Variants in SNX30 observed in about 807,000 individuals in gnomAD.
SNX30 encodes the protein sorting nexin-30.
A neutral mutation model predicts 46.4 loss-of-function variants in SNX30; 24 were observed. That is an observed-to-expected ratio of 0.52 (90% CI 0.37 to 0.73). SNX30 has a LOEUF of 0.73. Ranked by LOEUF, SNX30 falls within the 30% of genes least tolerant of loss-of-function variation. SNX30 has a pLI of 0.00. For synonymous variants in SNX30, 189 were observed against 211.5 expected, an observed-to-expected ratio of 0.89 and a Z score of 0.92; for missense variants, 533 against 555.7, an observed-to-expected ratio of 0.96 and a Z score of 0.41.
At chr9:112,859,980 T>C (rs1240750685) in intron 7 of SNX30, among the ~76,000 whole-genome samples, 1 of 151,454 alleles carries the variant, frequency 6.6e-6, no homozygotes, top group African/African-American at 2.4e-5. Context: ...GGAGTCTCGC[T>C]CTGTCGCCAG....
rs112961950 is a variant in SNX30 at position 112,855,077 on chromosome 9, C to G, written c.1101+4132C>G. Among the ~76,000 whole-genome samples the G allele has an allele frequency of 5.7e-3, 865 of 152,338 alleles. 10 individuals are homozygous for G. The highest frequency in any genetic ancestry group is 0.02 in the African/African-American group (822 of 41,586). On this transcript the variant is annotated intron_variant, in intron 7 of 8. Transcript: ENST00000374232. ...ATGTCCTCAAGCTTCCCCTGCCTCC[C>G]TAGCCCTCCACACACCTGTCCTCCC...
intron 7 of SNX30, among the ~76,000 whole-genome samples, chr9:112,860,635 A>T (rs1007475293): frequency 1.3e-5 from 2 of 152,216 alleles, no homozygotes; most frequent in Admixed American, 1.3e-4. Context: ...CAGGATGCCC[A>T]GTGCAATCTC....
chr9:112,834,882 A>ACACACACACCCC (rs56385707), intron 4 of SNX30, among the ~76,000 whole-genome samples: 2 of 105,252 alleles, frequency 1.9e-5, no homozygotes, highest in African/African-American at 3.0e-5. Context: ...ACACACACAC[A>ACACACACACCCC]CCTACCTCAA....
chr9:112,758,433 G>T (rs750643934), intron 1 of SNX30, among the ~76,000 whole-genome samples: 1 of 152,124 alleles, frequency 6.6e-6, no homozygotes, highest in Non-Finnish European at 1.5e-5. Context: ...GGGCTCAAGA[G>T]ATTCTCCTGC....
chr9:112,783,815 G>A (rs760431114), intron 1 of SNX30, among the ~76,000 whole-genome samples: 47 of 152,276 alleles, frequency 3.1e-4, no homozygotes, highest in Middle Eastern at 6.8e-3. Flanking sequence ...TGGAAAAAAC[G>A]GTTTGAATCA....
chr9:112,783,218 G>A lies in SNX30; in HGVS notation c.157-21558G>A, dbSNP rs548547986. On this transcript the variant is annotated intron_variant, in intron 1 of 8. Coordinates refer to ENST00000374232, the MANE Select transcript of SNX30 (RefSeq NM_001012994.2). The stretch of plus-strand genomic sequence containing the variant: ...ATCTCTGGCGCCATGGAGGCAGACG[G>A]TGAAGGGCTACTAGCCTCTGCTCTG... 1.4e-4 allele frequency among the ~76,000 whole-genome samples: 21 copies of A among 152,340 alleles called. No individual in the cohort carries two copies. In the South Asian group the frequency reaches 3.5e-3, roughly 26 times the overall value.
intron 1 of SNX30, among the ~76,000 whole-genome samples, chr9:112,787,550 T>C (rs1839949423): frequency 6.6e-6 from 1 of 152,118 alleles, no homozygotes; most frequent in South Asian, 2.1e-4. Context: ...ATTTTTAGTT[T>C]AGAGAGACAG....
chr9:112,850,531 C>G (rs1396053369), intron 6 of SNX30, among the ~76,000 whole-genome samples: 2 of 152,268 alleles, frequency 1.3e-5, no homozygotes, highest in African/African-American at 4.8e-5. Context: ...TGGCTGCACA[C>G]AGTGACGCGG....
At chr9:112,865,390 G>A (rs1010545098) in intron 8 of SNX30, among the ~76,000 whole-genome samples, 1 of 151,788 alleles carries the variant, frequency 6.6e-6, no homozygotes, top group South Asian at 2.1e-4. Flanking sequence ...TGAAGAGTCC[G>A]AGGTGGGAGG....
intron 1 of SNX30, among the ~76,000 whole-genome samples, chr9:112,775,801 T>TA (rs369587216): frequency 6.8e-5 from 10 of 148,086 alleles, no homozygotes; most frequent in African/African-American, 2.2e-4. Flanking sequence ...TTTTTTTTTT[T>TA]AAAGATGGTA....
intron 3 of SNX30, among the ~76,000 whole-genome samples, chr9:112,825,320 G>A (rs1333163366): frequency 6.6e-6 from 1 of 152,056 alleles, no homozygotes; most frequent in Non-Finnish European, 1.5e-5. Flanking sequence ...TTTGAGACAG[G>A]ATCTCACTCT....
intron 6 of SNX30, among the ~76,000 whole-genome samples, chr9:112,844,147 G>A (rs756004964): frequency 3.3e-5 from 5 of 152,138 alleles, no homozygotes; most frequent in Admixed American, 6.5e-5. Flanking sequence ...GGGTGGATTT[G>A]GGGTATATTT....
intron 2 of SNX30, among the ~76,000 whole-genome samples, chr9:112,816,260 C>T (rs891660911): frequency 3.3e-5 from 5 of 152,154 alleles, no homozygotes; most frequent in South Asian, 2.1e-4. Context: ...TCCGCCTGTG[C>T]GGGTGGTGTG....
intron 1 of SNX30, among the ~76,000 whole-genome samples, chr9:112,773,529 A>G (rs1005377752): frequency 2.6e-5 from 4 of 152,114 alleles, no homozygotes; most frequent in African/African-American, 7.2e-5. Flanking sequence ...ATATATTTTG[A>G]TAGATACTGA....
At chr9:112,793,363 T>C (rs1361914111) in intron 1 of SNX30, among the ~76,000 whole-genome samples, 5 of 152,172 alleles carry the variant, frequency 3.3e-5, no homozygotes, top group African/African-American at 1.2e-4. Context: ...AGCTGCTGCT[T>C]CCATCTCTAC....
At chr9:112,859,208 C>T (rs1841187597) in intron 7 of SNX30, among the ~76,000 whole-genome samples, 1 of 152,120 alleles carries the variant, frequency 6.6e-6, no homozygotes, top group Admixed American at 6.5e-5. Flanking sequence ...GCTTATTTCA[C>T]TCAGTGTAAT....
chr9:112,883,941 C>T (rs1315013619), downstream of SNX30, among the ~76,000 whole-genome samples: 4 of 152,160 alleles, frequency 2.6e-5, no homozygotes, highest in Non-Finnish European at 4.4e-5. Context: ...ATGATCCATC[C>T]GCCTTGGCCT....
chr9:112,775,502 A>G (rs1839729826), intron 1 of SNX30, among the ~76,000 whole-genome samples: 1 of 147,142 alleles, frequency 6.8e-6, no homozygotes, highest in Non-Finnish European at 1.5e-5. Flanking sequence ...TGGATATCGT[A>G]TATTCTCCCA....
intron 1 of SNX30, among the ~76,000 whole-genome samples, chr9:112,781,062 A>G (rs1286174823): frequency 2.0e-5 from 3 of 152,218 alleles, no homozygotes; most frequent in Non-Finnish European, 4.4e-5. Context: ...TTTGGCACTG[A>G]ATGGAGCTTT....
Sources: gnomAD v4.1 joint callset for allele counts (sites outside exome capture counted in the v4.1 genomes callset) on GRCh38, gnomAD v4.1.1 for gene constraint, MANE v1.5 for transcripts, NCBI Gene and HGNC (gene_info 2026-07-23, HGNC 2026-07-21) for gene names.